The following SCN2A variants were observed in gnomAD, a reference collection of about 807,000 sequenced individuals.
SCN2A encodes the protein sodium channel protein type 2 subunit alpha.
A neutral mutation model predicts 188.7 loss-of-function variants in SCN2A; 20 were observed. That is an observed-to-expected ratio of 0.11 (90% CI 0.07 to 0.15). The LOEUF (loss-of-function observed/expected upper bound fraction) is 0.15. Ranked by LOEUF, SCN2A falls within the 10% of genes least tolerant of loss-of-function variation. The probability of loss-of-function intolerance (pLI) is 1.00; values close to 1 mark genes in which losing one functional copy is unlikely to be tolerated. For synonymous variants in SCN2A, 804 were observed against 833.1 expected, an observed-to-expected ratio of 0.97 and a Z score of 0.60; for missense variants, 1,278 against 2,445.0, an observed-to-expected ratio of 0.52 and a Z score of 10.07.
intron 1 of SCN2A, 109 bp from the exon 2 acceptor site, chr2:165,295,664 A>T: frequency 1.0e-6 from 1 of 983,738 alleles, no homozygotes; most frequent in South Asian, 1.6e-5. Context: ...TGAAAATATT[A>T]TAGCTATCTG....
At chr2:165,260,862 C>A (rs574949055) in intron 1 of SCN2A, among the ~76,000 whole-genome samples, 14 of 148,476 alleles carry the variant, frequency 9.4e-5, no homozygotes, top group Middle Eastern at 3.6e-3. Flanking sequence ...CCCAGCTACT[C>A]GGGAGTCTGA....
At chr2:165,388,546 T>C in intron 26 of SCN2A, 83 bp from the exon 27 acceptor site, 1 of 1,579,476 alleles carries the variant, frequency 6.3e-7, no homozygotes, top group Non-Finnish European at 8.7e-7. Flanking sequence ...GTTCACATTT[T>C]GTAAAACTAA....
At position 165,315,660 on chromosome 2, in the gene SCN2A, A is replaced by C; in HGVS notation, c.1573A>C (p.Lys525Gln). The C allele has an allele frequency of 1.9e-6, 3 of 1,614,102 alleles. No individual in the cohort carries two copies. The highest frequency in any genetic ancestry group is 1.7e-6 in the Non-Finnish European group (2 of 1,179,978). ...AGAAGAGAAAAATGACAGAGTCCGA[A>C]AATCGGAATCTGAAGACAGCATAAG... The part of the protein sequence containing the change: ...GEEEKNDRVR[K>Q]SESEDSIRRK... The change falls in exon 11 of 27, where the codon AAA becomes CAA. Residue 525 changes from lysine (K) to glutamine (Q), a missense_variant. By Grantham distance (53) the Lys-to-Gln change is moderately conservative. Transcript: ENST00000375437.
chr2:165,337,805 CT>C (rs1389206712), intron 14 of SCN2A, among the ~76,000 whole-genome samples: 2 of 152,124 alleles, frequency 1.3e-5, no homozygotes, highest in Non-Finnish European at 2.9e-5. Context: ...AATGGAAGTT[CT>C]TTAGGCCGAA....
intron 16 of SCN2A, among the ~76,000 whole-genome samples, chr2:165,352,727 C>G (rs1021372753): frequency 1.3e-5 from 2 of 152,130 alleles, no homozygotes; most frequent in Non-Finnish European, 2.9e-5. Flanking sequence ...ATATTACCTT[C>G]AGGCTATGTG....
Position 165,312,046 on chromosome 2 carries a change from G to A in SCN2A, c.992G>A (p.Gly331Glu). The A allele has an allele frequency of 6.2e-7, 1 of 1,612,010 alleles. No individual in the cohort carries two copies. Among genetic ancestry groups the A allele is most frequent in the Non-Finnish European group, 8.5e-7 (1 of 1,178,880 alleles). ...EDKSHFYFLE[G>E]QNDALLCGNS... ...ATAGGTCACTTTTATTTTTTAGAGG[G>A]GCAAAATGATGCTCTGCTTTGTGGC... The change falls in exon 8 of 27, where the codon GGG becomes GAG. Residue 331 changes from glycine (G) to glutamate (E), a missense_variant. Transcript: ENST00000375437.
At chr2:165,282,448 G>A (rs1204434981) in intron 1 of SCN2A, among the ~76,000 whole-genome samples, 5 of 152,200 alleles carry the variant, frequency 3.3e-5, no homozygotes, top group African/African-American at 1.2e-4. Flanking sequence ...CCCTGCAAGT[G>A]TTTCCCTGCT....
chr2:165,386,972 G>A lies in SCN2A; in HGVS notation c.4778G>A (p.Gly1593Glu). The change falls in exon 26 of 27, where the codon GGA becomes GAA. Residue 1593 changes from glycine to glutamate, a missense_variant. Physicochemically the swap from Gly to Glu is moderately conservative, Grantham distance 98. This residue lies in a region of SCN2A where 97 missense variants were observed against 266.1 expected (regional missense o/e 0.36). Transcript: ENST00000375437. Reference protein sequence around the residue: ...ISLRYYYFTIGWNIFDFVVVI... With the variant: ...ISLRYYYFTIEWNIFDFVVVI... The stretch of plus-strand genomic sequence containing the variant: ...CTTCGTTACTACTATTTCACTATTG[G>A]ATGGAATATTTTTGATTTTGTGGTG... 6.2e-7 allele frequency: 1 copy of A among 1,613,786 alleles called. No individual in the cohort carries two copies. The highest frequency in any genetic ancestry group is 8.5e-7 in the Non-Finnish European group (1 of 1,179,808).
At chr2:165,284,562 G>A (rs1241896557) in intron 1 of SCN2A, among the ~76,000 whole-genome samples, 1 of 152,150 alleles carries the variant, frequency 6.6e-6, no homozygotes, top group Non-Finnish European at 1.5e-5. Flanking sequence ...CTGTTCCACT[G>A]AGGAGTTTAG....
intron 3 of SCN2A, among the ~76,000 whole-genome samples, chr2:165,303,727 A>C (rs1400757301): frequency 2.6e-5 from 4 of 152,164 alleles, no homozygotes; most frequent in Admixed American, 6.5e-5. Flanking sequence ...CTATCAAACC[A>C]CAAGCGTAAA....
chr2:165,314,343 T>A (rs1697614275), intron 10 of SCN2A, among the ~76,000 whole-genome samples: 1 of 152,162 alleles, frequency 6.6e-6, no homozygotes, highest in Admixed American at 6.5e-5. Flanking sequence ...CTGACATTTT[T>A]TTCTCCCTTG....
chr2:165,255,068 G>T (rs948848962), intron 1 of SCN2A, among the ~76,000 whole-genome samples: 1 of 151,564 alleles, frequency 6.6e-6, no homozygotes, highest in Non-Finnish European at 1.5e-5. Flanking sequence ...ATCTAATTTG[G>T]TACTTTGTGT....
intron 21 of SCN2A, among the ~76,000 whole-genome samples, chr2:165,373,796 T>C (rs890103706): frequency 2.0e-5 from 3 of 152,020 alleles, no homozygotes; most frequent in Non-Finnish European, 4.4e-5. Context: ...GGCTAAAAAG[T>C]AGGTCAACTG....
intron 25 of SCN2A, among the ~76,000 whole-genome samples, chr2:165,383,911 GGAA>G (rs762124538): frequency 3.3e-5 from 5 of 151,582 alleles, no homozygotes; most frequent in African/African-American, 4.9e-5. Context: ...GAGAGTGAGA[GGAA>G]GGAGGAAGGG....
At position 165,315,486 on chromosome 2, in the gene SCN2A, G is replaced by A. The variant is rs745774658; in HGVS notation, c.1399G>A (p.Ala467Thr). 1.9e-5 allele frequency: 30 copies of A among 1,613,726 alleles called. No individual in the cohort carries two copies. Among genetic ancestry groups the A allele is most frequent in the Middle Eastern group, 1.6e-4 (1 of 6,076 alleles). ...QEEAQAAAAA[A>T]SAESRDFSGA... ...GCCCTTCTAGGCGGCAGCTGCAGCC[G>A]CATCTGCTGAATCAAGAGACTTCAG... Residue 467 changes from alanine (A) to threonine (T), a missense_variant, in exon 11 of 27, where the codon GCA (alanine) becomes ACA (threonine). Physicochemically the swap from Ala to Thr is moderately conservative, Grantham distance 58. Coordinates refer to ENST00000375437, the MANE Select transcript of SCN2A (RefSeq NM_001040142.2).
chr2:165,308,926 A>T lies in SCN2A; in HGVS notation c.605+132A>T, dbSNP rs1035673160. On this transcript the variant is annotated intron_variant, in intron 5 of 26. Transcript: ENST00000375437. ...GTAATCATAGTTTTCTTCCAATCAA[A>T]TTATCCAGTTTGGAGAAATTAGGAA... 4.4e-5 allele frequency: 56 copies of T among 1,272,652 alleles called. No individual in the cohort carries two copies. The African/African-American group carries it at 7.8e-4, about 18-fold the overall frequency. 78.8% of individuals were successfully genotyped at this position (1,272,652 alleles called of 1,614,324 possible).
Position 165,354,600 on chromosome 2 carries a change from G to A in SCN2A, c.3328G>A (p.Gly1110Arg). ...CACTGTGACAGTACCAATTGCTGTT[G>A]GAGAATCTGACTTTGAAAATTTAAA... ...SLTVTVPIAV[G>R]ESDFENLNTE... Residue 1110 changes from glycine to arginine, a missense_variant, in exon 17 of 27, where the codon GGA becomes AGA. This residue lies in a region of SCN2A where 228 missense variants were observed against 297.3 expected (regional missense o/e 0.77). Transcript: ENST00000375437. The A allele has an allele frequency of 6.2e-7, 1 of 1,614,000 alleles. No individual in the cohort carries two copies. Among genetic ancestry groups the A allele is most frequent in the Non-Finnish European group, 8.5e-7 (1 of 1,179,962 alleles).
At chr2:165,275,738 C>T (rs899415155) in intron 1 of SCN2A, among the ~76,000 whole-genome samples, 1 of 151,808 alleles carries the variant, frequency 6.6e-6, no homozygotes, top group African/African-American at 2.4e-5. Context: ...TTGAGTTATA[C>T]CCTTTTTTTT....
Position 165,392,214 on chromosome 2 carries a change from G to T in SCN2A, c.*2390G>T, listed in dbSNP as rs532270738. On this transcript the variant is annotated 3_prime_UTR_variant, in exon 27 of 27. Coordinates refer to ENST00000375437, the MANE Select transcript of SCN2A (RefSeq NM_001040142.2). Reference sequence around the variant, plus strand: ...GGAAGTTAATTAAGAAGAGTGTATTGGATAACTACTTTAATATTGGCCAAA... The same window carrying T: ...GGAAGTTAATTAAGAAGAGTGTATTTGATAACTACTTTAATATTGGCCAAA... 1 of 152,482 alleles carries T rather than the reference G, an allele frequency of 6.6e-6. No individual in the cohort carries two copies. Among genetic ancestry groups the T allele is most frequent in the South Asian group, 2.1e-4 (1 of 4,816 alleles). The allele number at this position is 152,482 out of a possible 1,614,324, so 9.4% of individuals were successfully genotyped here.
Sources: gnomAD v4.1 joint callset for allele counts (sites outside exome capture counted in the v4.1 genomes callset) on GRCh38, gnomAD v4.1.1 for gene constraint, gnomAD v4.1.1 regional missense constraint, MANE v1.5 for transcripts, NCBI Gene and HGNC (gene_info 2026-07-23, HGNC 2026-07-21) for gene names.